C1QTNF7: variants seen among roughly 807,000 people sequenced by gnomAD.
C1QTNF7 encodes the protein complement C1q tumor necrosis factor-related protein 7.
C1QTNF7 carries 15 observed loss-of-function variants against 19.6 expected under a neutral mutation model. That is an observed-to-expected ratio of 0.76 (90% CI 0.51 to 1.18). C1QTNF7 has a LOEUF of 1.18. C1QTNF7 is among the 50% of genes most tolerant of loss of function. The pLI, the probability that C1QTNF7 is intolerant of heterozygous loss-of-function variation, is 0.00. For missense variants in C1QTNF7, 324 were observed against 359.7 expected, an observed-to-expected ratio of 0.90 and a Z score of 0.80; for synonymous variants, 142 against 137.5, an observed-to-expected ratio of 1.03 and a Z score of -0.23.
At chr4:15,394,687 A>C (rs551870058) in intron 1 of C1QTNF7, among the ~76,000 whole-genome samples, 102 of 152,194 alleles carry the variant, frequency 6.7e-4, no homozygotes, top group Non-Finnish European at 8.2e-4. Flanking sequence ...TATAATTTTC[A>C]AAAATTACAA....
Position 15,411,419 on chromosome 4 carries a change from T to C in C1QTNF7, c.14-24317T>C, listed in dbSNP as rs192308774. Among the ~76,000 whole-genome samples, 653 of 152,316 alleles carry C rather than the reference T, an allele frequency of 4.3e-3. 3 individuals are homozygous for C. The highest frequency in any genetic ancestry group is 5.6e-3 in the Non-Finnish European group (378 of 68,022). On this transcript the variant is annotated intron_variant, in intron 1 of 2. Coordinates refer to the C1QTNF7 transcript ENST00000295297. The stretch of plus-strand genomic sequence containing the variant: ...AGAAACTATGAACCTAGAGAGATGC[T>C]GTTGGATCTCTTTAAAACACACCAT...
At chr4:15,397,433 C>A (rs1044091588) in intron 1 of C1QTNF7, among the ~76,000 whole-genome samples, 1 of 152,214 alleles carries the variant, frequency 6.6e-6, no homozygotes, top group African/African-American at 2.4e-5. Context: ...GAGTGGTCAT[C>A]CCCTACTCAA....
chr4:15,362,793 C>T (rs539135449), intron 1 of C1QTNF7, among the ~76,000 whole-genome samples: 2 of 152,188 alleles, frequency 1.3e-5, no homozygotes, highest in Admixed American at 6.5e-5. Flanking sequence ...CTATTTCACA[C>T]TTGACTATCT....
intron 1 of C1QTNF7, among the ~76,000 whole-genome samples, chr4:15,361,832 T>C (rs1020542999): frequency 8.5e-5 from 13 of 152,240 alleles, no homozygotes; most frequent in Admixed American, 2.0e-4. Context: ...ATTTAATTCC[T>C]TGAAAAGCCA....
Position 15,435,954 on chromosome 4 carries a change from G to A in C1QTNF7, c.211G>A (p.Gly71Arg). 6.2e-7 allele frequency: 1 copy of A among 1,613,910 alleles called. No individual in the cohort carries two copies. Among genetic ancestry groups the A allele is most frequent in the Middle Eastern group, 1.7e-4 (1 of 6,042 alleles). Reference sequence around the variant, plus strand: ...AAGAGATGGTAGAGACGGCAGGAAAGGAGAGAAAGGTGAAAAGGGAACTGC... The same window carrying A: ...AAGAGATGGTAGAGACGGCAGGAAAAGAGAGAAAGGTGAAAAGGGAACTGC... ...PGRDGRDGRK[G>R]EKGEKGTAGL... The change falls in exon 2 of 3, where the codon GGA (glycine) becomes AGA (arginine). Residue 71 changes from glycine to arginine, a missense_variant. By Grantham distance (125) the Gly-to-Arg change is moderately radical. Transcript: ENST00000444304.
chr4:15,419,524 A>G (rs897988187), intron 1 of C1QTNF7, among the ~76,000 whole-genome samples: 1 of 152,242 alleles, frequency 6.6e-6, no homozygotes, highest in Non-Finnish European at 1.5e-5. Context: ...CAGAAGACCT[A>G]TGCATACACA....
chr4:15,391,526 T>C (rs953850513), intron 1 of C1QTNF7, among the ~76,000 whole-genome samples: 6 of 152,122 alleles, frequency 3.9e-5, no homozygotes, highest in Admixed American at 6.6e-5. Flanking sequence ...AGTGCCCTTT[T>C]TTGGGTCATC....
At chr4:15,428,896 A>G (rs148929593) in intron 1 of C1QTNF7, among the ~76,000 whole-genome samples, 80 of 152,288 alleles carry the variant, frequency 5.3e-4, no homozygotes, top group South Asian at 1.0e-3. Flanking sequence ...GGCAAAGCAC[A>G]TTTTCAACTT....
At chr4:15,368,398 G>A (rs1252282377) in intron 1 of C1QTNF7, among the ~76,000 whole-genome samples, 6 of 151,736 alleles carry the variant, frequency 4.0e-5, no homozygotes, top group African/African-American at 7.3e-5. Flanking sequence ...CCATTAACTC[G>A]TCATTTACAT....
intron 1 of C1QTNF7, among the ~76,000 whole-genome samples, chr4:15,370,108 A>T (rs927974734): frequency 6.6e-6 from 1 of 152,274 alleles, no homozygotes; most frequent in Non-Finnish European, 1.5e-5. Context: ...TTTTAATTCT[A>T]TGATTATTAT....
At chr4:15,416,785 A>C (rs1719622423) in intron 1 of C1QTNF7, among the ~76,000 whole-genome samples, 1 of 152,218 alleles carries the variant, frequency 6.6e-6, no homozygotes, top group Non-Finnish European at 1.5e-5. Flanking sequence ...TGATTCTAAC[A>C]TAGGAACTGT....
rs374896364 is a variant in C1QTNF7 at position 15,341,527 on chromosome 4, G to A, written c.13+1320G>A. Among the ~76,000 whole-genome samples, 308 of 152,272 alleles carry A rather than the reference G, an allele frequency of 2.0e-3. 4 individuals carry two copies. Among genetic ancestry groups the A allele is most frequent in the African/African-American group, 7.2e-3 (300 of 41,544 alleles). Reference sequence around the variant, plus strand: ...GCAGAGTGATCAGGAGACACCATTAGTTGCCTCTCTCCACCCATAGTTAAT... The same window carrying A: ...GCAGAGTGATCAGGAGACACCATTAATTGCCTCTCTCCACCCATAGTTAAT... On this transcript the variant is annotated intron_variant, in intron 1 of 2. Coordinates refer to the C1QTNF7 transcript ENST00000295297.
At chr4:15,426,491 T>C (rs1024759), upstream of C1QTNF7, among the ~76,000 whole-genome samples, 40,665 of 152,082 alleles carry the variant, frequency 0.27, 6,286 homozygotes, top group East Asian at 0.37. Context: ...AAGAAGAAAT[T>C]CAATTTTTAT....
intron 1 of C1QTNF7, among the ~76,000 whole-genome samples, chr4:15,408,925 C>A (rs1300845634): frequency 6.6e-6 from 1 of 152,162 alleles, no homozygotes; most frequent in Admixed American, 6.6e-5. Context: ...GCCTCCAGAA[C>A]TGTGGGAAAT....
rs186532333 is a variant in C1QTNF7 at position 15,445,212 on chromosome 4, A to T, written c.*2413A>T. The T allele has an allele frequency of 6.6e-6, 1 of 152,366 alleles. No individual in the cohort carries two copies. The highest frequency in any genetic ancestry group is 2.4e-5 in the African/African-American group (1 of 41,590). 9.4% of individuals were successfully genotyped at this position (152,366 alleles called of 1,614,324 possible). The stretch of plus-strand genomic sequence containing the variant: ...ACAGCAAAGGTGGTTTGAGGTAGTC[A>T]CCTGCTTACAGATAACAGCCAAAGA... On this transcript the variant is annotated 3_prime_UTR_variant, in exon 3 of 3. Coordinates refer to ENST00000444304, the MANE Select transcript of C1QTNF7 (RefSeq NM_031911.5).
At chr4:15,389,718 C>T (rs1371152710) in intron 1 of C1QTNF7, among the ~76,000 whole-genome samples, 1 of 152,112 alleles carries the variant, frequency 6.6e-6, no homozygotes, top group Non-Finnish European at 1.5e-5. Context: ...CTCACCCAGC[C>T]CAAAATGAGA....
chr4:15,436,113 T>G, intron 2 of C1QTNF7, 132 bp downstream of exon 2: 1 of 1,310,968 alleles, frequency 7.6e-7, no homozygotes, highest in African/African-American at 1.5e-5. Context: ...CGTAACTTAC[T>G]GAGCCCTTAC....
chr4:15,398,684 G>C (rs190104639), intron 1 of C1QTNF7, among the ~76,000 whole-genome samples: 41 of 152,318 alleles, frequency 2.7e-4, no homozygotes, highest in African/African-American at 9.6e-4. Context: ...AGGGTCTGCA[G>C]CAACCTCAAT....
At chr4:15,420,578 T>G (rs1465027533) in intron 1 of C1QTNF7, among the ~76,000 whole-genome samples, 1 of 152,220 alleles carries the variant, frequency 6.6e-6, no homozygotes, top group South Asian at 2.1e-4. Flanking sequence ...CATCAAACTT[T>G]ATAACAACCT....
Sources: allele counts gnomAD v4.1 joint callset (sites outside exome capture counted in the v4.1 genomes callset), GRCh38; gene constraint gnomAD v4.1.1; transcripts MANE v1.5; gene names NCBI Gene and HGNC (gene_info 2026-07-23, HGNC 2026-07-21).